IL1RAP: variants seen among roughly 807,000 people sequenced by gnomAD.
IL1RAP encodes the protein interleukin 1 receptor accessory protein, also known as interleukin-1 receptor accessory protein.
In IL1RAP, 35 loss-of-function variants were observed where a neutral mutation model predicts 60.7. The ratio of observed to expected loss-of-function variants is 0.58; its 90% CI spans 0.44 to 0.76. IL1RAP has a LOEUF of 0.76. Ranked by LOEUF, IL1RAP falls within the 30% of genes least tolerant of loss-of-function variation. The pLI, the probability that IL1RAP is intolerant of heterozygous loss-of-function variation, is 0.00. For missense variants in IL1RAP, 572 were observed against 693.9 expected, an observed-to-expected ratio of 0.82 and a Z score of 1.97; for synonymous variants, 268 against 250.9, an observed-to-expected ratio of 1.07 and a Z score of -0.64.
chr3:190,613,287 T>C (rs1005784172), intron 5 of IL1RAP, among the ~76,000 whole-genome samples: 1 of 151,980 alleles, frequency 6.6e-6, no homozygotes, highest in Admixed American at 6.6e-5. Flanking sequence ...GTTTAGGGAG[T>C]AAGTAATGGG....
At chr3:190,633,394 T>C (rs1449271336) in intron 9 of IL1RAP, among the ~76,000 whole-genome samples, 1 of 152,202 alleles carries the variant, frequency 6.6e-6, no homozygotes, top group Non-Finnish European at 1.5e-5. Flanking sequence ...AGTCTCACTG[T>C]CACTTAGGCT....
At chr3:190,565,194 A>G (rs1047593758) in intron 3 of IL1RAP, among the ~76,000 whole-genome samples, 4 of 151,992 alleles carry the variant, frequency 2.6e-5, no homozygotes, top group African/African-American at 9.7e-5. Flanking sequence ...AAACAAACAA[A>G]CAAACAAAAC....
At chr3:190,549,060 C>T (rs1051207258) in intron 1 of IL1RAP, among the ~76,000 whole-genome samples, 2 of 151,610 alleles carry the variant, frequency 1.3e-5, no homozygotes, top group Non-Finnish European at 2.9e-5. Flanking sequence ...CTCACAGACA[C>T]GTAGAAGGGT....
At chr3:190,554,949 A>G (rs1725273755) in intron 1 of IL1RAP, among the ~76,000 whole-genome samples, 1 of 152,236 alleles carries the variant, frequency 6.6e-6, no homozygotes, top group South Asian at 2.1e-4. Flanking sequence ...AGAGAAATCT[A>G]TGAAAACTCA....
chr3:190,655,750 C>T, downstream of IL1RAP: 1 of 587,492 alleles, frequency 1.7e-6, no homozygotes, highest in Non-Finnish European at 2.8e-6. Flanking sequence ...ATTTTTTTGA[C>T]TGGGTAAATT....
At chr3:190,656,641 T>G in exon 12 of IL1RAP, 76 of 1,240,628 alleles carry the variant, frequency 6.1e-5, no homozygotes, top group Non-Finnish European at 7.6e-5. Context: ...CTACTATCTC[T>G]ACCAACCCTC....
rs1734220417 is a variant in IL1RAP at position 190,648,777 on chromosome 3, C to T, written c.*72C>T. The T allele has an allele frequency of 2.0e-6, 3 of 1,516,052 alleles. No individual in the cohort carries two copies. Among genetic ancestry groups the T allele is most frequent in the African/African-American group, 1.4e-5 (1 of 71,766 alleles). 93.9% of individuals were successfully genotyped at this position (1,516,052 alleles called of 1,614,324 possible). A position where few individuals can be genotyped will look rare whatever the true frequency, so the allele number is the denominator to read the frequency against. ...AAAGAGTCCCCCCAGTCTTCATTCGCAGTTTATGGTTTCATAGGCAAAAAT... is the reference window on the plus strand; with the variant it reads ...AAAGAGTCCCCCCAGTCTTCATTCGTAGTTTATGGTTTCATAGGCAAAAAT... On this transcript the variant is annotated 3_prime_UTR_variant, in exon 12 of 12. Transcript: ENST00000447382.
chr3:190,648,296 T>G, intron 11 of IL1RAP, 42 bp from the exon 12 acceptor site: 3 of 1,522,966 alleles, frequency 2.0e-6, no homozygotes, highest in Non-Finnish European at 2.6e-6. Flanking sequence ...TTTTGGGGAG[T>G]TTTTGGCCAA....
intron 3 of IL1RAP, among the ~76,000 whole-genome samples, chr3:190,579,469 C>T (rs1032698470): frequency 5.9e-5 from 9 of 152,062 alleles, no homozygotes; most frequent in Non-Finnish European, 7.4e-5. Context: ...GTGGTTTAGA[C>T]GTAGTTTTGC....
At chr3:190,542,805 G>A (rs1352768925) in intron 1 of IL1RAP, among the ~76,000 whole-genome samples, 1 of 151,528 alleles carries the variant, frequency 6.6e-6, no homozygotes, top group Non-Finnish European at 1.5e-5. Context: ...AAATGGAACT[G>A]CTTCCTGAAA....
chr3:190,614,430 G>A (rs114008071), intron 5 of IL1RAP, among the ~76,000 whole-genome samples: 368 of 152,004 alleles, frequency 2.4e-3, no homozygotes, highest in Non-Finnish European at 3.7e-3. Context: ...GCTCTGCAAG[G>A]GAGATACCAT....
chr3:190,647,949 A>G (rs983773503), intron 11 of IL1RAP, among the ~76,000 whole-genome samples: 1 of 152,190 alleles, frequency 6.6e-6, no homozygotes, highest in Non-Finnish European at 1.5e-5. Flanking sequence ...TCTTTGGTGA[A>G]GAAAGGGCTC....
chr3:190,580,125 T>C (rs1029850303), intron 3 of IL1RAP, among the ~76,000 whole-genome samples: 5 of 152,346 alleles, frequency 3.3e-5, no homozygotes, highest in African/African-American at 9.6e-5. Context: ...GGTAACTCTA[T>C]GCTTAACATT....
At chr3:190,516,364 T>A (rs1037944178) in intron 1 of IL1RAP, 1 of 152,198 alleles carries the variant, frequency 6.6e-6, no homozygotes, top group African/African-American at 2.4e-5. Flanking sequence ...AAAAGGAAAA[T>A]GTTCAAAATA....
At chr3:190,576,707 A>C (rs2108663056) in intron 3 of IL1RAP, among the ~76,000 whole-genome samples, 1 of 152,342 alleles carries the variant, frequency 6.6e-6, no homozygotes, top group South Asian at 2.1e-4. Flanking sequence ...TTTGTTTCAA[A>C]GATACCACCA....
At chr3:190,540,459 C>T (rs1007018176) in intron 1 of IL1RAP, among the ~76,000 whole-genome samples, 1 of 152,046 alleles carries the variant, frequency 6.6e-6, no homozygotes, top group African/African-American at 2.4e-5. Flanking sequence ...AAATTTCTTC[C>T]TGTCCTGGCT....
intron 5 of IL1RAP, among the ~76,000 whole-genome samples, chr3:190,613,237 G>A (rs1730976195): frequency 6.6e-6 from 1 of 152,192 alleles, no homozygotes; most frequent in Admixed American, 6.5e-5. Context: ...GGATGACATG[G>A]TGCTATTAAC....
intron 11 of IL1RAP, among the ~76,000 whole-genome samples, chr3:190,648,034 T>G (rs893117914): frequency 6.6e-6 from 1 of 152,182 alleles, no homozygotes; most frequent in African/African-American, 2.4e-5. Flanking sequence ...TGTCTACTCC[T>G]TGTGTCTCAA....
chr3:190,612,245 G>A (rs769283317), intron 5 of IL1RAP, among the ~76,000 whole-genome samples: 4 of 151,634 alleles, frequency 2.6e-5, no homozygotes, highest in Non-Finnish European at 5.9e-5. Context: ...ATTTTTCATG[G>A]TAAAAAACCT....
Sources: allele counts gnomAD v4.1 joint callset (sites outside exome capture counted in the v4.1 genomes callset), GRCh38; gene constraint gnomAD v4.1.1; transcripts MANE v1.5; gene names NCBI Gene and HGNC (gene_info 2026-07-23, HGNC 2026-07-21).